The following PAPPA variants were observed in gnomAD, a reference collection of about 807,000 sequenced individuals.
PAPPA encodes the protein pappalysin 1, also known as pappalysin-1.
A neutral mutation model predicts 164.0 loss-of-function variants in PAPPA; 60 were observed. The ratio of observed to expected loss-of-function variants is 0.37; its 90% confidence interval spans 0.30 to 0.45. PAPPA has a LOEUF of 0.45. Among genes scored for constraint, PAPPA ranks in the 20% least tolerant of loss-of-function variants. The pLI, the probability that PAPPA is intolerant of heterozygous loss-of-function variation, is 1.00. For missense variants in PAPPA, 1,782 were observed against 2,087.3 expected, an observed-to-expected ratio of 0.85 and a Z score of 2.85; for synonymous variants, 875 against 814.1, an observed-to-expected ratio of 1.07 and a Z score of -1.27.
chr9:116,261,312 T>C lies in PAPPA; in HGVS notation c.2733-4545T>C, dbSNP rs370357585. Among the ~76,000 whole-genome samples the C allele has an allele frequency of 1.4e-4, 22 of 152,298 alleles. 3 individuals are homozygous for C. Among genetic ancestry groups the C allele is most frequent in the Admixed American group, 1.2e-3 (18 of 15,296 alleles). ...AGACAATGATAAACGAATGCTATGA[T>C]ATAGAAACAATAGGATCAATAATGA... On this transcript the variant is annotated intron_variant, in intron 7 of 21. Coordinates refer to ENST00000328252, the MANE Select transcript of PAPPA (RefSeq NM_002581.5).
At chr9:116,341,671 G>A (rs1028692494) in intron 13 of PAPPA, among the ~76,000 whole-genome samples, 4 of 152,166 alleles carry the variant, frequency 2.6e-5, no homozygotes, top group Non-Finnish European at 4.4e-5. Context: ...CAGGATAACA[G>A]GCATCTTGTT....
chr9:116,383,629 A>C (rs1315240480), intron 21 of PAPPA, among the ~76,000 whole-genome samples: 1 of 152,180 alleles, frequency 6.6e-6, no homozygotes, highest in Non-Finnish European at 1.5e-5. Context: ...CTCTGACCCA[A>C]AATACAGGAA....
chr9:116,248,485 ATGT>A (rs1382286457), intron 7 of PAPPA, among the ~76,000 whole-genome samples: 1 of 152,154 alleles, frequency 6.6e-6, no homozygotes, highest in Non-Finnish European at 1.5e-5. Context: ...GTTACATGTC[ATGT>A]TGTTAGTAAG....
rs1202322727 is a variant in PAPPA at position 116,347,034 on chromosome 9, C to T, written c.3789C>T (p.Pro1263=). Residue 1263 remains proline (P), a synonymous_variant, in exon 15 of 22, where the codon CCC becomes CCT. Transcript: ENST00000328252. The surrounding 1 kb of genome is among the most constrained non-coding windows in gnomAD (Gnocchi z 4.5). The part of the protein sequence containing the change: ...DDELIKSQTG[P]SVTVTCTEGK... ...ACGACTCTGCCTTTCAGACGGGACCCAGCGTCACAGTGACCTGTACAGAGG... is the reference window on the plus strand; with the variant it reads ...ACGACTCTGCCTTTCAGACGGGACCTAGCGTCACAGTGACCTGTACAGAGG... The T allele has an allele frequency of 6.2e-7, 1 of 1,611,862 alleles. No individual in the cohort carries two copies. The highest frequency in any genetic ancestry group is 8.5e-7 in the Non-Finnish European group (1 of 1,178,896).
At chr9:116,245,120 A>C (rs966422215) in intron 7 of PAPPA, among the ~76,000 whole-genome samples, 1 of 151,456 alleles carries the variant, frequency 6.6e-6, no homozygotes, top group Admixed American at 6.6e-5. Context: ...ACACATAGAC[A>C]TAGAGTATGG....
intron 7 of PAPPA, among the ~76,000 whole-genome samples, chr9:116,248,292 G>A (rs1179420482): frequency 6.6e-6 from 1 of 152,212 alleles, no homozygotes; most frequent in Non-Finnish European, 1.5e-5. Flanking sequence ...AGGAGACCTG[G>A]ATTCTAGTAC....
chr9:116,327,842 C>T (rs929695850), intron 10 of PAPPA, among the ~76,000 whole-genome samples: 1 of 152,202 alleles, frequency 6.6e-6, no homozygotes, highest in African/African-American at 2.4e-5. Context: ...TCCAGTTCCC[C>T]AGGAACATAG....
chr9:116,158,323 A>G (rs1434252783), intron 1 of PAPPA, among the ~76,000 whole-genome samples: 2 of 152,194 alleles, frequency 1.3e-5, no homozygotes, highest in African/African-American at 2.4e-5. Flanking sequence ...GGGTTTAAGT[A>G]TATGGCTAGG....
chr9:116,341,462 G>T (rs964901696), intron 13 of PAPPA, among the ~76,000 whole-genome samples: 37 of 152,138 alleles, frequency 2.4e-4, no homozygotes, highest in Non-Finnish European at 1.5e-5. Flanking sequence ...ACCTGTGTAT[G>T]GCTTATCCCT....
At chr9:116,175,346 C>T (rs942062199) in intron 1 of PAPPA, among the ~76,000 whole-genome samples, 1 of 152,150 alleles carries the variant, frequency 6.6e-6, no homozygotes, top group Admixed American at 6.5e-5. Flanking sequence ...GTTACTATTG[C>T]ACACTTGAAA....
intron 17 of PAPPA, 133 bp downstream of exon 17, chr9:116,353,926 G>C (rs1564238604): frequency 1.7e-6 from 1 of 581,312 alleles, no homozygotes; most frequent in East Asian, 3.2e-5. Flanking sequence ...CCGCAATACT[G>C]TTTTTGATTT....
chr9:116,284,106 A>G (rs1439193159), intron 9 of PAPPA, among the ~76,000 whole-genome samples: 1 of 152,194 alleles, frequency 6.6e-6, no homozygotes, highest in Non-Finnish European at 1.5e-5. Flanking sequence ...CTAGACACCA[A>G]GGATGCCTGT....
intron 1 of PAPPA, among the ~76,000 whole-genome samples, chr9:116,176,852 G>A (rs1176576808): frequency 6.6e-6 from 1 of 152,018 alleles, no homozygotes; most frequent in Non-Finnish European, 1.5e-5. Context: ...ATGAGCCAAG[G>A]TCTGATTATA....
At chr9:116,335,627 C>CCCTCAGTGCTTTTG (rs1186289733) in intron 13 of PAPPA, among the ~76,000 whole-genome samples, 12 of 152,162 alleles carry the variant, frequency 7.9e-5, no homozygotes, top group Non-Finnish European at 5.9e-5. Flanking sequence ...TGACATCACT[C>CCCTCAGTGCTTTTG]CCTCAGTGCT....
intron 7 of PAPPA, among the ~76,000 whole-genome samples, chr9:116,248,764 G>A (rs928336573): frequency 6.6e-6 from 1 of 152,062 alleles, no homozygotes; most frequent in African/African-American, 2.4e-5. Context: ...TCATGTAGAT[G>A]GTCAATAAAT....
At chr9:116,155,085 C>T (rs768125905) in intron 1 of PAPPA, among the ~76,000 whole-genome samples, 1 of 152,198 alleles carries the variant, frequency 6.6e-6, no homozygotes, top group African/African-American at 2.4e-5. Context: ...CTTAGAAGTC[C>T]TCGAAGTGCC....
chr9:116,156,512 G>A (rs1363677636), intron 1 of PAPPA, among the ~76,000 whole-genome samples: 1 of 151,702 alleles, frequency 6.6e-6, no homozygotes, highest in Non-Finnish European at 1.5e-5. Flanking sequence ...GGGGGCGTTA[G>A]GTTATTATTG....
At chr9:116,288,799 T>C (rs1356890490) in intron 9 of PAPPA, 1 of 151,864 alleles carries the variant, frequency 6.6e-6, no homozygotes, top group Admixed American at 6.6e-5. Flanking sequence ...ATCGAAACCA[T>C]ATAGCAGGAG....
At chr9:116,346,165 T>C (rs1846206707) in intron 14 of PAPPA, among the ~76,000 whole-genome samples, 1 of 152,122 alleles carries the variant, frequency 6.6e-6, no homozygotes, top group African/African-American at 2.4e-5. Context: ...AGATCAACGT[T>C]TGGCATCTCC....
Sources: allele counts gnomAD v4.1 joint callset (sites outside exome capture counted in the v4.1 genomes callset), GRCh38; gene constraint gnomAD v4.1.1; non-coding constraint Gnocchi (gnomAD v3.1); transcripts MANE v1.5; gene names NCBI Gene and HGNC (gene_info 2026-07-23, HGNC 2026-07-21).